Variants in ADAM9 observed in about 807,000 individuals in gnomAD.
ADAM9 encodes the protein disintegrin and metalloproteinase domain-containing protein 9.
ADAM9 carries 54 observed loss-of-function variants against 108.1 expected under a neutral mutation model. That is an observed-to-expected ratio of 0.50 (90% CI 0.40 to 0.63). The LOEUF (loss-of-function observed/expected upper bound fraction) is 0.63. ADAM9 is among the 20% of genes least tolerant of loss of function. ADAM9 has a pLI of 0.00. For missense variants in ADAM9, 830 were observed against 997.7 expected (o/e 0.83, Z 2.26); for synonymous variants, 316 against 336.0 (o/e 0.94, Z 0.65).
chr8:39,033,710 C>T (rs1055944217), intron 11 of ADAM9, among the ~76,000 whole-genome samples: 16 of 151,886 alleles, frequency 1.1e-4, no homozygotes, highest in East Asian at 1.9e-4. Context: ...GAAATTAATA[C>T]GTCAATTGTA....
At position 39,007,977 on chromosome 8, in the gene ADAM9, A is replaced by C. The variant is rs1014639138; in HGVS notation, c.189A>C (p.Ser63=). The C allele has an allele frequency of 8.2e-6, 13 of 1,593,558 alleles. No homozygotes were observed. The highest frequency in any genetic ancestry group is 1.1e-5 in the Non-Finnish European group (13 of 1,163,008). ...RERREAPRPY[S]KQVSYVIQAE... The stretch of plus-strand genomic sequence containing the variant: ...GAAGAGAAGCCCCTAGGCCCTATTC[A>C]AAACAAGTAAGTTATAATTGTTGAG... Residue 63 remains serine (S), a synonymous_variant, in exon 2 of 22, where the codon TCA becomes TCC. Coordinates refer to ENST00000487273, the MANE Select transcript of ADAM9 (RefSeq NM_003816.3).
chr8:39,020,786 C>A (rs1836712067), intron 7 of ADAM9, among the ~76,000 whole-genome samples: 1 of 152,056 alleles, frequency 6.6e-6, no homozygotes, highest in South Asian at 2.1e-4. Context: ...GTCCATAAAT[C>A]TTCTTCCACT....
rs1175832836 is a variant in ADAM9 at position 38,996,982 on chromosome 8, G to A, written c.-82G>A. 2.0e-6 allele frequency: 3 copies of A among 1,536,134 alleles called. No individual in the cohort carries two copies. Among genetic ancestry groups the A allele is most frequent in the South Asian group, 2.3e-5 (2 of 85,152 alleles). ...CGCGCGCTTCCCGGCCAGACTTGGG[G>A]CCCCGGCAGGGTTGGAAAATGATGG... is the stretch of plus-strand genomic sequence containing the variant. On this transcript the variant is annotated 5_prime_UTR_variant, in exon 1 of 22. Transcript: ENST00000487273.
Position 39,051,739 on chromosome 8 carries a change from C to T in ADAM9, c.1303-2742C>T, listed in dbSNP as rs189277149. Among the ~76,000 whole-genome samples the T allele has an allele frequency of 2.5e-3, 386 of 152,094 alleles. 2 individuals carry two copies. The highest frequency in any genetic ancestry group is 3.6e-3 in the Non-Finnish European group (245 of 67,956). ...CTTGTGTGCAGATTTTTTTCTATTACGATATCCTGGACATTTTTCTGTATC... is the reference window on the plus strand; with the variant it reads ...CTTGTGTGCAGATTTTTTTCTATTATGATATCCTGGACATTTTTCTGTATC... On this transcript the variant is annotated intron_variant, in intron 12 of 21. Transcript: ENST00000487273.
At chr8:39,031,957 T>C (rs1837107671) in intron 11 of ADAM9, among the ~76,000 whole-genome samples, 1 of 152,168 alleles carries the variant, frequency 6.6e-6, no homozygotes, top group African/African-American at 2.4e-5. Flanking sequence ...TCCAGACCCT[T>C]TTTGCCTGGG....
At chr8:39,018,772 T>C in intron 6 of ADAM9, 81 bp from the exon 7 acceptor site, 1 of 1,191,394 alleles carries the variant, frequency 8.4e-7, no homozygotes, top group South Asian at 1.2e-5. Context: ...TTAGCAGACA[T>C]GAAATAAGTG....
At chr8:39,026,939 A>G in intron 11 of ADAM9, 129 bp downstream of exon 11, 5 of 1,196,540 alleles carry the variant, frequency 4.2e-6, no homozygotes, top group Middle Eastern at 2.1e-4. Flanking sequence ...AATTAATTGC[A>G]TGACATACCA....
chr8:39,090,540 G>T (rs1839320009), intron 19 of ADAM9, among the ~76,000 whole-genome samples: 2 of 152,142 alleles, frequency 1.3e-5, no homozygotes, highest in Non-Finnish European at 2.9e-5. Context: ...CTAAAATAGG[G>T]TTCTAAGTTA....
rs763128480 is a variant in ADAM9 at position 39,014,063 on chromosome 8, A to C, written c.333+20A>C. 6 of 1,588,444 alleles carry C rather than the reference A, an allele frequency of 3.8e-6. No individual in the cohort carries two copies. Among genetic ancestry groups the C allele is most frequent in the Middle Eastern group, 1.7e-4 (1 of 6,012 alleles). ...ATACAGGTAATGTATTTTTCTCTTG[A>C]TCCCATAGCAAATTTTAAAACAATT... is the stretch of plus-strand genomic sequence containing the variant. On this transcript the variant is annotated intron_variant, in intron 4 of 21. Transcript: ENST00000487273.
At chr8:39,009,491 A>G (rs1836275076) in intron 2 of ADAM9, among the ~76,000 whole-genome samples, 1 of 152,166 alleles carries the variant, frequency 6.6e-6, no homozygotes, top group Admixed American at 6.5e-5. Flanking sequence ...CACCTGCTTC[A>G]GCCTCCCAGA....
chr8:39,007,360 T>TG (rs1200008305), intron 1 of ADAM9, among the ~76,000 whole-genome samples: 1 of 152,148 alleles, frequency 6.6e-6, no homozygotes, highest in Admixed American at 6.5e-5. Flanking sequence ...ACTGGCACAC[T>TG]GGGGGTTAAA....
intron 14 of ADAM9, among the ~76,000 whole-genome samples, chr8:39,057,828 G>A (rs1838174591): frequency 1.3e-5 from 2 of 152,118 alleles, no homozygotes; most frequent in Admixed American, 6.6e-5. Flanking sequence ...CCCTTACAGA[G>A]ACATCCGTAA....
At position 39,078,154 on chromosome 8, in the gene ADAM9, C is replaced by T. The variant is rs569245421; in HGVS notation, c.1881+743C>T. 1.6e-4 allele frequency among the ~76,000 whole-genome samples: 25 copies of T among 152,260 alleles called. No individual in the cohort carries two copies. In the South Asian group the frequency reaches 5.0e-3, roughly 30 times the overall value. On this transcript the variant is annotated intron_variant, in intron 16 of 21. Transcript: ENST00000487273. ...GTTACTTCACTTTCTCCCAAGTTTT[C>T]AGTTCCAATTCTGTTTCTCACTTCT...
rs559715935 is a variant in ADAM9, at chr8:39,103,407, T to C, written c.2367-200T>C. On this transcript the variant is annotated intron_variant, in intron 21 of 21. Coordinates refer to ENST00000487273, the MANE Select transcript of ADAM9 (RefSeq NM_003816.3). ...CATTGTTGATTATGGAGTAATATTA[T>C]TTAAAGTAGTTATTCCATTTTAGAC... 2.6e-5 allele frequency among the ~76,000 whole-genome samples: 4 copies of C among 152,010 alleles called. No homozygotes were observed. In the South Asian group the frequency reaches 8.3e-4, roughly 32 times the overall value.
chr8:39,027,782 A>G (rs4733968), intron 11 of ADAM9, among the ~76,000 whole-genome samples: 122,920 of 151,954 alleles, frequency 0.81, 49,873 homozygotes, highest in East Asian at 0.95. Context: ...ATGAGAGGTG[A>G]TATCTTTAAC....
At position 39,042,037 on chromosome 8, in the gene ADAM9, C is replaced by G; in HGVS notation, c.1222C>G (p.Pro408Ala). The G allele has an allele frequency of 6.2e-7, 1 of 1,614,080 alleles. No individual in the cohort carries two copies. Among genetic ancestry groups the G allele is most frequent in the Admixed American group, 1.7e-5 (1 of 60,026 alleles). Residue 408 changes from proline (P) to alanine (A), a missense_variant, in exon 12 of 22, where the codon CCT (proline) becomes GCT (alanine). Physicochemically the swap from Pro to Ala is conservative, Grantham distance 27. Coordinates refer to ENST00000487273, the MANE Select transcript of ADAM9 (RefSeq NM_003816.3). Reference protein sequence around the residue: ...GGNCLLNIPKPDEAYSAPSCG... With the variant: ...GGNCLLNIPKADEAYSAPSCG... Reference sequence around the variant, plus strand: ...AAACTGCCTTCTTAATATTCCAAAGCCTGATGAAGCCTATAGTGCTCCCTC... The same window carrying G: ...AAACTGCCTTCTTAATATTCCAAAGGCTGATGAAGCCTATAGTGCTCCCTC...
At chr8:39,071,465 C>G (rs1430038005) in intron 15 of ADAM9, 62 bp downstream of exon 15, 1 of 589,950 alleles carries the variant, frequency 1.7e-6, no homozygotes. Context: ...TCTCTAGTAT[C>G]TTTTTTTTTT....
rs114122056 is a variant in ADAM9 at position 39,025,963 on chromosome 8, C to T, written c.996+79C>T. On this transcript the variant is annotated intron_variant, in intron 10 of 21. Transcript: ENST00000487273. ...CATTTATTGACTGTATACTTCCTCCCCTGGTCCTTAAAACAATATTTTGGG... is the reference window on the plus strand; with the variant it reads ...CATTTATTGACTGTATACTTCCTCCTCTGGTCCTTAAAACAATATTTTGGG... 2,169 of 1,395,186 alleles carry T rather than the reference C, an allele frequency of 1.6e-3. 29 individuals are homozygous for T. In the African/African-American group the frequency reaches 0.028, roughly 18 times the overall value. 86.4% of individuals were successfully genotyped at this position (1,395,186 alleles called of 1,614,324 possible). A position where few individuals can be genotyped will look rare whatever the true frequency, so the allele number is the denominator to read the frequency against.
rs1838094176 is a variant in ADAM9, at chr8:39,055,613, A to G, written c.1432A>G (p.Ser478Gly). ...AGGTACTTTATGCCGAGGAAAAACC[A>G]GTGAGTGTGATGTTCCAGAGTACTG... is the stretch of plus-strand genomic sequence containing the variant. ...PGGTLCRGKT[S>G]ECDVPEYCNG... is the part of the protein sequence containing the mutation. The change falls in exon 14 of 22, where the codon AGT becomes GGT. Residue 478 changes from serine to glycine, a missense_variant. By Grantham distance (56) the Ser-to-Gly change is moderately conservative. Transcript: ENST00000487273. The G allele has an allele frequency of 1.2e-6, 2 of 1,613,744 alleles. No homozygotes were observed. Among genetic ancestry groups the G allele is most frequent in the Middle Eastern group, 1.7e-4 (1 of 6,058 alleles).
Sources: allele counts gnomAD v4.1 joint callset (sites outside exome capture counted in the v4.1 genomes callset), GRCh38; gene constraint gnomAD v4.1.1; transcripts MANE v1.5; gene names NCBI Gene and HGNC (gene_info 2026-07-23, HGNC 2026-07-21).